Variants in SOX5 observed in about 807,000 individuals in gnomAD.
SOX5 encodes transcription factor SOX-5.
Under a neutral mutation model 92.0 loss-of-function variants are expected in SOX5, and 9 were observed. The observed-to-expected ratio is 0.10, with a 90% CI of 0.06 to 0.17. The LOEUF is 0.17. Among genes scored for constraint, SOX5 ranks in the 10% least tolerant of loss-of-function variants. The pLI, the probability that SOX5 is intolerant of heterozygous loss-of-function variation, is 1.00. For missense variants in SOX5, 642 were observed against 944.5 expected, an observed-to-expected ratio of 0.68 and a Z score of 4.20; for synonymous variants, 344 against 336.3, an observed-to-expected ratio of 1.02 and a Z score of -0.25.
At position 24,320,876 on chromosome 12, in the gene SOX5, AT is replaced by A. The variant is rs1565899567; in HGVS notation, c.-173-43565del. 6.7e-4 allele frequency among the ~76,000 whole-genome samples: 72 copies of A among 106,820 alleles called. 1 individual carries two copies. Among genetic ancestry groups the A allele is most frequent in the South Asian group, 3.7e-3 (10 of 2,688 alleles). 70.1% of individuals were successfully genotyped at this position (106,820 alleles called of 152,430 possible). A position where few individuals can be genotyped will look rare whatever the true frequency, so the allele number is the denominator to read the frequency against. On this transcript the variant is annotated intron_variant, in intron 2 of 4. Transcript: ENST00000446891. ...CAAGACTCTGTCTCAAAAAAAAATA[AT>A]AATAATAATAATAATAATAATATAC...
At chr12:23,834,446 T>C (rs557803575) in intron 3 of SOX5, among the ~76,000 whole-genome samples, 1 of 151,950 alleles carries the variant, frequency 6.6e-6, no homozygotes, top group Admixed American at 6.6e-5. Flanking sequence ...GTAAGCCTCG[T>C]TTACTCATTT....
intron 4 of SOX5, among the ~76,000 whole-genome samples, chr12:24,116,024 T>A (rs1044792760): frequency 6.6e-5 from 10 of 152,106 alleles, no homozygotes; most frequent in Admixed American, 6.5e-4. Flanking sequence ...GGTATATACA[T>A]AGATCCCTAA....
intron 4 of SOX5, among the ~76,000 whole-genome samples, chr12:24,189,772 T>A (rs1047420693): frequency 1.3e-5 from 2 of 152,232 alleles, no homozygotes; most frequent in African/African-American, 2.4e-5. Flanking sequence ...TTTTGTCCTA[T>A]GAAAATTTGA....
chr12:24,050,171 G>A (rs1454154599), intron 4 of SOX5, among the ~76,000 whole-genome samples: 1 of 150,776 alleles, frequency 6.6e-6, no homozygotes, highest in Admixed American at 6.6e-5. Context: ...ACGTCTTTGA[G>A]GTTTCTTAAA....
chr12:24,239,255 GTATAGATGCT>G (rs1391368151), intron 3 of SOX5, among the ~76,000 whole-genome samples: 1 of 152,196 alleles, frequency 6.6e-6, no homozygotes, highest in Non-Finnish European at 1.5e-5. Context: ...AACGCTTAGA[GTATAGATGCT>G]TGGGCAGTAG....
intron 4 of SOX5, among the ~76,000 whole-genome samples, chr12:24,114,577 A>C (rs1947771208): frequency 8.9e-6 from 1 of 112,724 alleles, no homozygotes; most frequent in African/African-American, 3.7e-5. Flanking sequence ...CCGTCACAAA[A>C]AAAAAAAAAA....
Position 23,530,623 on chromosome 12 carries a change from C to T in SOX5, c.*3596G>A, listed in dbSNP as rs967927303. 1 of 152,024 alleles carries T rather than the reference C, an allele frequency of 6.6e-6. No homozygotes were observed. The highest frequency in any genetic ancestry group is 1.5e-5 in the Non-Finnish European group (1 of 68,020). 9.4% of individuals were successfully genotyped at this position (152,024 alleles called of 1,614,324 possible). ...GCTGAAGAATAGTTTTATATTTTAT[C>T]CAATTGTGGTAAGTTAATCACTAAC... On this transcript the variant is annotated 3_prime_UTR_variant, in exon 15 of 15. Coordinates refer to ENST00000451604, the MANE Select transcript of SOX5 (RefSeq NM_006940.6).
chr12:24,045,909 A>G (rs1016147101), intron 4 of SOX5, among the ~76,000 whole-genome samples: 17 of 130,978 alleles, frequency 1.3e-4, no homozygotes, highest in Non-Finnish European at 2.7e-4. Flanking sequence ...CATAGCTCTT[A>G]TGTGTCTCCT....
intron 2 of SOX5, among the ~76,000 whole-genome samples, chr12:24,312,401 C>T (rs1051597406): frequency 4.5e-4 from 68 of 152,276 alleles, no homozygotes; most frequent in African/African-American, 1.6e-3. Context: ...GCAGTGAGGT[C>T]CTACATCAAG....
chr12:24,380,624 T>C (rs1048101854), intron 1 of SOX5, among the ~76,000 whole-genome samples: 11 of 152,348 alleles, frequency 7.2e-5, no homozygotes, highest in African/African-American at 2.2e-4. Context: ...AGTAAATTAG[T>C]GTGCCTCTAA....
intron 1 of SOX5, among the ~76,000 whole-genome samples, chr12:23,907,606 T>C (rs1949695085): frequency 6.6e-6 from 1 of 152,162 alleles, no homozygotes; most frequent in Admixed American, 6.6e-5. Context: ...AGTGTTTTAA[T>C]GTCTACATAG....
intron 4 of SOX5, among the ~76,000 whole-genome samples, chr12:24,197,711 T>C (rs1215905629): frequency 6.6e-6 from 1 of 152,160 alleles, no homozygotes; most frequent in Non-Finnish European, 1.5e-5. Context: ...AGCCCTCTTG[T>C]GAGCATTAGC....
At chr12:24,106,050 T>C (rs1161720188) in intron 4 of SOX5, among the ~76,000 whole-genome samples, 1 of 151,934 alleles carries the variant, frequency 6.6e-6, no homozygotes, top group Admixed American at 6.6e-5. Context: ...ACAGAAACTA[T>C]AAAAGAAAAA....
intron 2 of SOX5, among the ~76,000 whole-genome samples, chr12:24,287,533 C>T (rs1946029359): frequency 6.8e-6 from 1 of 146,498 alleles, no homozygotes; most frequent in South Asian, 2.2e-4. Context: ...CCCAGAAGAA[C>T]ACAGAAGCGC....
chr12:23,841,643 A>C (rs965342973), intron 3 of SOX5, among the ~76,000 whole-genome samples: 1 of 152,176 alleles, frequency 6.6e-6, no homozygotes, highest in African/African-American at 2.4e-5. Context: ...ATCAAGCTAT[A>C]AACAGCCATG....
At chr12:23,855,997 A>G (rs2033101504) in intron 2 of SOX5, among the ~76,000 whole-genome samples, 1 of 152,158 alleles carries the variant, frequency 6.6e-6, no homozygotes. Flanking sequence ...TTTAACATGA[A>G]CTGACATTAG....
chr12:23,962,004 C>T (rs559582097), intron 4 of SOX5, among the ~76,000 whole-genome samples: 6 of 152,180 alleles, frequency 3.9e-5, no homozygotes, highest in Admixed American at 3.3e-4. Context: ...AAATTGGAAA[C>T]TTTTGGTGGA....
intron 1 of SOX5, among the ~76,000 whole-genome samples, chr12:24,371,748 G>A (rs1192584656): frequency 6.6e-6 from 1 of 152,168 alleles, no homozygotes; most frequent in African/African-American, 2.4e-5. Flanking sequence ...AACACTTCGG[G>A]AGGCCGAGAC....
intron 4 of SOX5, among the ~76,000 whole-genome samples, chr12:23,999,507 C>T (rs1488168370): frequency 2.0e-5 from 3 of 151,958 alleles, no homozygotes; most frequent in Non-Finnish European, 4.4e-5. Flanking sequence ...TGTTAACTAG[C>T]TGGATTGTGG....
Sources: gnomAD v4.1 joint callset for allele counts (sites outside exome capture counted in the v4.1 genomes callset) on GRCh38, gnomAD v4.1.1 for gene constraint, MANE v1.5 for transcripts, NCBI Gene and HGNC (gene_info 2026-07-23, HGNC 2026-07-21) for gene names.